Variants in PCDH11X observed in about 807,000 individuals in gnomAD.
The protein encoded by PCDH11X is protocadherin-11 X-linked.
In PCDH11X, 18 loss-of-function variants were observed where a neutral mutation model predicts 53.3. That is an observed-to-expected ratio of 0.34 (90% CI 0.23 to 0.50). PCDH11X has a LOEUF of 0.50. PCDH11X is among the 20% of genes least tolerant of loss of function. The probability of loss-of-function intolerance (pLI) is 0.98; values close to 1 mark genes in which losing one functional copy is unlikely to be tolerated. For synonymous variants in PCDH11X, 279 were observed against 393.3 expected, an observed-to-expected ratio of 0.71 and a Z score of 3.44; for missense variants, 570 against 1,032.4, an observed-to-expected ratio of 0.55 and a Z score of 6.14.
At chrX:92,340,761 G>A (rs754997848) in intron 8 of PCDH11X, among the ~76,000 whole-genome samples, 1 of 112,272 alleles carries the variant, frequency 8.9e-6, no homozygotes, top group Non-Finnish European at 1.9e-5. Context: ...AAAGGTCTCT[G>A]AAATGCCTCC....
At chrX:92,151,224 G>T (rs1447055714) in intron 6 of PCDH11X, among the ~76,000 whole-genome samples, 2 of 108,595 alleles carry the variant, frequency 1.8e-5, no homozygotes, top group Admixed American at 1.0e-4. Context: ...ATGGAGTCTC[G>T]CCCTGTCACC....
intron 7 of PCDH11X, among the ~76,000 whole-genome samples, chrX:92,235,017 A>G (rs1052009530): frequency 4.5e-5 from 5 of 111,290 alleles, no homozygotes; most frequent in African/African-American, 1.6e-4. Flanking sequence ...AAATTTTTCA[A>G]AAATTGAAAG....
chrX:91,933,993 G>A (rs12009893), intron 6 of PCDH11X, among the ~76,000 whole-genome samples: 8,142 of 110,485 alleles, frequency 0.074, 281 homozygotes, highest in African/African-American at 0.12. Flanking sequence ...GAGAAAGGGT[G>A]ATAACAAAGT....
At chrX:91,929,260 T>A (rs1291317094) in intron 6 of PCDH11X, among the ~76,000 whole-genome samples, 1 of 110,951 alleles carries the variant, frequency 9.0e-6, no homozygotes, top group Non-Finnish European at 1.9e-5. Context: ...TATATTGTTA[T>A]AATTAACATA....
chrX:92,036,131 G>A (rs771441409), intron 6 of PCDH11X, among the ~76,000 whole-genome samples: 1,808 of 89,615 alleles, frequency 0.02, 57 homozygotes, highest in African/African-American at 0.074. Flanking sequence ...ATATATCTCT[G>A]TTTCTTCAGG....
intron 5 of PCDH11X, among the ~76,000 whole-genome samples, chrX:91,838,776 C>A (rs759150007): frequency 1.9e-5 from 2 of 105,371 alleles, no homozygotes; most frequent in Non-Finnish European, 3.9e-5. Flanking sequence ...GAAAAATCAC[C>A]ATTTATCCTA....
chrX:92,149,871 CT>C (rs1442693965), intron 6 of PCDH11X, among the ~76,000 whole-genome samples: 1 of 111,140 alleles, frequency 9.0e-6, no homozygotes, highest in Non-Finnish European at 1.9e-5. Flanking sequence ...TGGTACGTGG[CT>C]TCTTTTACTT....
chrX:92,216,858 C>T (rs1439211696), intron 7 of PCDH11X, among the ~76,000 whole-genome samples: 15 of 105,706 alleles, frequency 1.4e-4, no homozygotes, highest in South Asian at 9.0e-4. Context: ...GATCTCTCGG[C>T]AGAAACTCTA....
chrX:92,478,625 A>T (rs779560340), intron 10 of PCDH11X, among the ~76,000 whole-genome samples: 3 of 104,726 alleles, frequency 2.9e-5, no homozygotes, highest in African/African-American at 9.9e-5. Context: ...TTCATTATTT[A>T]CCTAAAAGTC....
At chrX:92,254,715 G>C (rs1232550039) in intron 7 of PCDH11X, among the ~76,000 whole-genome samples, 1 of 107,883 alleles carries the variant, frequency 9.3e-6, no homozygotes, top group Non-Finnish European at 1.9e-5. Flanking sequence ...AGTTTGCCTG[G>C]ATATGAAATT....
chrX:92,493,710 G>A (rs1162413182), intron 10 of PCDH11X, among the ~76,000 whole-genome samples: 13 of 97,703 alleles, frequency 1.3e-4, no homozygotes, highest in African/African-American at 5.0e-4. Flanking sequence ...GCAATGGCAT[G>A]ATCTCGGCTC....
intron 8 of PCDH11X, among the ~76,000 whole-genome samples, chrX:92,335,432 T>C (rs769760300): frequency 9.2e-6 from 1 of 108,954 alleles, no homozygotes; most frequent in South Asian, 4.1e-4. Flanking sequence ...AGGCTTTCAT[T>C]CCTGAAAGCT....
intron 6 of PCDH11X, among the ~76,000 whole-genome samples, chrX:92,076,238 G>C (rs1176398568): frequency 1.8e-5 from 2 of 108,178 alleles, no homozygotes; most frequent in African/African-American, 6.9e-5. Context: ...CTCTAAAAAA[G>C]GTCTTGCATC....
At chrX:91,876,260 T>A (rs2571657) in intron 5 of PCDH11X, among the ~76,000 whole-genome samples, 34,528 of 108,259 alleles carry the variant, frequency 0.32, 4,848 homozygotes, top group African/African-American at 0.51. Flanking sequence ...AATATGGTGG[T>A]GTGTATATTG....
chrX:92,111,254 A>T (rs1332894926), intron 6 of PCDH11X, among the ~76,000 whole-genome samples: 1 of 99,215 alleles, frequency 1.0e-5, no homozygotes, highest in East Asian at 3.3e-4. Flanking sequence ...AAAAAAAATC[A>T]GCGTCAACTA....
intron 6 of PCDH11X, among the ~76,000 whole-genome samples, chrX:91,898,468 G>A (rs751000587): frequency 2.3e-4 from 25 of 109,432 alleles, no homozygotes; most frequent in Non-Finnish European, 4.0e-4. Context: ...GGGCAGTAAT[G>A]TAACTTTAAA....
intron 6 of PCDH11X, among the ~76,000 whole-genome samples, chrX:92,085,793 A>G (rs2063940541): frequency 9.0e-6 from 1 of 111,465 alleles, no homozygotes; most frequent in Non-Finnish European, 1.9e-5. Context: ...TAATACACTT[A>G]CATCTATCAA....
intron 8 of PCDH11X, among the ~76,000 whole-genome samples, chrX:92,336,196 AT>A (rs1385802410): frequency 8.9e-6 from 1 of 111,934 alleles, no homozygotes; most frequent in African/African-American, 3.2e-5. Context: ...AAATAATTTG[AT>A]TTATTCTTAT....
At chrX:92,017,628 T>C (rs2062817459) in intron 6 of PCDH11X, among the ~76,000 whole-genome samples, 2 of 101,857 alleles carry the variant, frequency 2.0e-5, no homozygotes, top group Non-Finnish European at 4.0e-5. Flanking sequence ...ACCTGGGAGG[T>C]TGAGGTTGCA....
Sources: allele counts gnomAD v4.1 joint callset (sites outside exome capture counted in the v4.1 genomes callset), GRCh38; gene constraint gnomAD v4.1.1; transcripts MANE v1.5; gene names NCBI Gene and HGNC (gene_info 2026-07-23, HGNC 2026-07-21).